The following SVEP1 variants were observed in gnomAD, a reference collection of about 807,000 sequenced individuals.
SVEP1 encodes sushi, von Willebrand factor type A, EGF and pentraxin domain-containing protein 1.
Under a neutral mutation model 367.3 loss-of-function variants are expected in SVEP1, and 164 were observed. That is an observed-to-expected ratio of 0.45 (90% CI 0.39 to 0.51). The LOEUF (loss-of-function observed/expected upper bound fraction) is 0.51, where lower values mean the gene tolerates loss of function less well. SVEP1 is among the 20% of genes least tolerant of loss of function. SVEP1 has a pLI of 0.00. For missense variants in SVEP1, 4,117 were observed against 4,425.3 expected, an observed-to-expected ratio of 0.93 and a Z score of 1.98; for synonymous variants, 1,666 against 1,611.6, an observed-to-expected ratio of 1.03 and a Z score of -0.81.
chr9:110,409,083 A>T, intron 37 of SVEP1, 132 bp from the exon 38 acceptor site: 1 of 1,048,864 alleles, frequency 9.5e-7, no homozygotes, highest in Non-Finnish European at 1.3e-6. Context: ...GCAAATAATG[A>T]TTTATGGTTT....
rs149404320 is a variant in SVEP1 at position 110,523,641 on chromosome 9, T to C, written c.965-9535A>G. On this transcript the variant is annotated intron_variant, in intron 3 of 47. Transcript: ENST00000374469. ...TATAGGCAAGTTCAAAGTAAAATTA[T>C]AGAAAAAGATACATTGTGCAAACAT... 2.2e-3 allele frequency among the ~76,000 whole-genome samples: 341 copies of C among 152,178 alleles called. 2 individuals carry two copies. Among genetic ancestry groups the C allele is most frequent in the African/African-American group, 7.9e-3 (327 of 41,550 alleles).
chr9:110,400,812 G>A (rs759210363), intron 40 of SVEP1, 42 bp downstream of exon 40: 20 of 1,568,046 alleles, frequency 1.3e-5, no homozygotes, highest in Non-Finnish European at 1.6e-5. Context: ...CAAGTATATT[G>A]GAAAAACAAA....
At chr9:110,432,318 G>T in intron 31 of SVEP1, 144 bp downstream of exon 31, 2 of 1,089,382 alleles carry the variant, frequency 1.8e-6, no homozygotes, top group Non-Finnish European at 2.6e-6. Context: ...ACATACAGCT[G>T]CTTTGTCACT....
chr9:110,489,766 A>G lies in SVEP1; in HGVS notation c.1814T>C (p.Val605Ala). 1 of 1,612,958 alleles carries G rather than the reference A, an allele frequency of 6.2e-7. No homozygotes were observed. Among genetic ancestry groups the G allele is most frequent in the Non-Finnish European group, 8.5e-7 (1 of 1,179,328 alleles). The change falls in exon 9 of 48, where the codon GTT becomes GCT. Residue 605 changes from valine (V) to alanine (A), a missense_variant. Physicochemically the swap from Val to Ala is moderately conservative, Grantham distance 64. Coordinates refer to ENST00000374469, the MANE Select transcript of SVEP1 (RefSeq NM_153366.4). Reference sequence around the variant, plus strand: ...GTAAGGTGGGGTGAAAGCTGGATGAACGTGGACTGACACCTATTGGAGATA... The same window carrying G: ...GTAAGGTGGGGTGAAAGCTGGATGAGCGTGGACTGACACCTATTGGAGATA... ...DNSGEKVSVHVHPAFTPPYLF... is the reference protein window; with the variant it reads ...DNSGEKVSVHAHPAFTPPYLF...
chr9:110,506,238 T>G (rs1829625096), intron 5 of SVEP1, among the ~76,000 whole-genome samples: 1 of 152,166 alleles, frequency 6.6e-6, no homozygotes, highest in African/African-American at 2.4e-5. Context: ...TTTGGGTTGG[T>G]TCCAAGTCTT....
In SVEP1 at chr9:110,387,385, G is replaced by T. The variant is rs781527818; in HGVS notation, c.9960C>A (p.Asn3320Lys). Residue 3320 changes from asparagine (N) to lysine (K), a missense_variant, in exon 42 of 48, where the codon AAC becomes AAA. By Grantham distance (94) the Asn-to-Lys change is moderately conservative (BLOSUM62 0). Transcript: ENST00000374469. ...ADIENRTTGP[N>K]VVYSCNRGYS... ...AGCCTCTGTTGCAGGAATATACCAC[G>T]TTGGGTCCAGTCGTCCTGTTTTCAA... is the stretch of plus-strand genomic sequence containing the variant. 1.2e-6 allele frequency: 2 copies of T among 1,613,382 alleles called. No homozygotes were observed. Among genetic ancestry groups the T allele is most frequent in the Non-Finnish European group, 1.7e-6 (2 of 1,179,762 alleles).
chr9:110,548,030 G>C (rs1830241563), intron 2 of SVEP1, among the ~76,000 whole-genome samples: 1 of 152,126 alleles, frequency 6.6e-6, no homozygotes, highest in Admixed American at 6.6e-5. Context: ...AGAAGACAGA[G>C]GGATGACAGG....
rs567415800 is a variant in SVEP1, at chr9:110,454,232, T to C, written c.3787+1358A>G. 3.9e-5 allele frequency among the ~76,000 whole-genome samples: 6 copies of C among 152,340 alleles called. No homozygotes were observed. The South Asian group carries it at 1.2e-3, about 32-fold the overall frequency. ...GATTTAATTAGATCCCACTTGTTAA[T>C]TTTTGTTTTTGTTGCAATTGCTTTT... On this transcript the variant is annotated intron_variant, in intron 22 of 47. Transcript: ENST00000374469.
intron 3 of SVEP1, among the ~76,000 whole-genome samples, chr9:110,527,177 T>C (rs72750781): frequency 0.05 from 7,578 of 152,106 alleles, 271 homozygotes; most frequent in Middle Eastern, 0.14. Context: ...GATGTTACCA[T>C]TGGGGAAAAT....
At chr9:110,402,405 A>G (rs3930750) in intron 39 of SVEP1, among the ~76,000 whole-genome samples, 2,045 of 152,236 alleles carry the variant, frequency 0.013, 43 homozygotes, top group African/African-American at 0.045. Flanking sequence ...GAACTACAGA[A>G]TCATTTTGTC....
chr9:110,532,517 T>C (rs10117891), intron 3 of SVEP1, among the ~76,000 whole-genome samples: 109,153 of 151,992 alleles, frequency 0.72, 40,034 homozygotes, highest in Admixed American at 0.79. Flanking sequence ...GACTGAGGAG[T>C]CACTAGCAGC....
In SVEP1 at chr9:110,432,752, C is replaced by T. The variant is rs967164790; in HGVS notation, c.5060-117G>A. 2.4e-6 allele frequency: 3 copies of T among 1,226,872 alleles called. No individual in the cohort carries two copies. The African/African-American group carries it at 4.5e-5, about 19-fold the overall frequency. The allele number at this position is 1,226,872 out of a possible 1,614,324, so 76.0% of individuals were successfully genotyped here. A position where few individuals can be genotyped will look rare whatever the true frequency, so the allele number is the denominator to read the frequency against. Reference sequence around the variant, plus strand: ...TGACATTTTTACTGAATGCAAACATCAGACTGAGGGTGTCCTAGGGATAGC... The same window carrying T: ...TGACATTTTTACTGAATGCAAACATTAGACTGAGGGTGTCCTAGGGATAGC... On this transcript the variant is annotated intron_variant, in intron 30 of 47. Coordinates refer to ENST00000374469, the MANE Select transcript of SVEP1 (RefSeq NM_153366.4).
At chr9:110,398,149 G>C (rs968139727) in intron 40 of SVEP1, among the ~76,000 whole-genome samples, 19 of 152,000 alleles carry the variant, frequency 1.3e-4, no homozygotes, top group Non-Finnish European at 2.1e-4. Context: ...CAGAGATATA[G>C]ACCAATGGAA....
chr9:110,547,854 T>G (rs925588794), intron 2 of SVEP1, among the ~76,000 whole-genome samples: 1 of 152,202 alleles, frequency 6.6e-6, no homozygotes, highest in African/African-American at 2.4e-5. Flanking sequence ...GGGTTTTACT[T>G]ACTAAACCTA....
intron 40 of SVEP1, among the ~76,000 whole-genome samples, chr9:110,394,468 GC>G (rs1325591939): frequency 6.6e-6 from 1 of 152,194 alleles, no homozygotes; most frequent in Non-Finnish European, 1.5e-5. Context: ...AAGGAACGCA[GC>G]TCCTCACCAG....
Position 110,579,225 on chromosome 9 carries a change from G to A in SVEP1, c.319C>T (p.Arg107Cys). 1 of 1,570,214 alleles carries A rather than the reference G, an allele frequency of 6.4e-7. No homozygotes were observed. Among genetic ancestry groups the A allele is most frequent in the Non-Finnish European group, 8.6e-7 (1 of 1,158,556 alleles). Residue 107 changes from arginine to cysteine, a missense_variant, in exon 1 of 48, where the codon CGC (arginine) becomes TGC (cysteine). Arg to Cys is a radical substitution (Grantham distance 180). Coordinates refer to ENST00000374469, the MANE Select transcript of SVEP1 (RefSeq NM_153366.4). This position sits in a 1 kb window ranked among gnomAD's most constrained non-coding sequence, Gnocchi z 5.3. ...ACGGGGAAGTCGGACAGCAGCTTGC[G>A]GACGAACATGAGCTCGCTGCGGAAG... is the stretch of plus-strand genomic sequence containing the variant. ...VNFRSELMFV[R>C]KLLSDFPVVP...
intron 30 of SVEP1, among the ~76,000 whole-genome samples, 200 bp from the exon 31 acceptor site, chr9:110,432,835 C>T (rs1828372100): frequency 6.6e-6 from 1 of 152,186 alleles, no homozygotes; most frequent in African/African-American, 2.4e-5. Context: ...GCATGCAATT[C>T]ATTTATTCAA....
intron 3 of SVEP1, among the ~76,000 whole-genome samples, chr9:110,534,734 A>G (rs1270204280): frequency 6.6e-6 from 1 of 152,062 alleles, no homozygotes; most frequent in Admixed American, 6.6e-5. Context: ...AGTATGAGGT[A>G]GTATCTCACT....
chr9:110,448,185 G>A lies in SVEP1; in HGVS notation c.4104-1128C>T, dbSNP rs543134650. On this transcript the variant is annotated intron_variant, in intron 24 of 47. Coordinates refer to ENST00000374469, the MANE Select transcript of SVEP1 (RefSeq NM_153366.4). Reference sequence around the variant, plus strand: ...TGTGCGCGCGCTCGCGCGTGTGTATGCATGTGTCTATGTTGGAGGGAATCC... The same window carrying A: ...TGTGCGCGCGCTCGCGCGTGTGTATACATGTGTCTATGTTGGAGGGAATCC... Among the ~76,000 whole-genome samples the A allele has an allele frequency of 9.3e-4, 142 of 152,220 alleles. 3 individuals carry two copies. Among genetic ancestry groups the A allele is most frequent in the Middle Eastern group, 3.4e-3 (1 of 294 alleles).
Sources: gnomAD v4.1 joint callset for allele counts (sites outside exome capture counted in the v4.1 genomes callset) on GRCh38, gnomAD v4.1.1 for gene constraint, Gnocchi (gnomAD v3.1) non-coding constraint, MANE v1.5 for transcripts, NCBI Gene and HGNC (gene_info 2026-07-23, HGNC 2026-07-21) for gene names.